ALPK2: variants seen among roughly 807,000 people sequenced by gnomAD.
ALPK2 encodes alpha kinase 2.
A neutral mutation model predicts 163.1 loss-of-function variants in ALPK2; 127 were observed. The observed-to-expected ratio is 0.78, with a 90% CI of 0.67 to 0.90. The LOEUF (loss-of-function observed/expected upper bound fraction) is 0.90. Ranked by LOEUF, ALPK2 falls within the 40% of genes least tolerant of loss-of-function variation. ALPK2 has a pLI of 0.00. For synonymous variants in ALPK2, 953 were observed against 959.1 expected (o/e 0.99, Z 0.12); for missense variants, 2,360 against 2,589.6 (o/e 0.91, Z 1.92).
At chr18:58,504,532 A>G (rs2144113670) in intron 10 of ALPK2, among the ~76,000 whole-genome samples, 1 of 152,130 alleles carries the variant, frequency 6.6e-6, no homozygotes. Context: ...CCTTTCATCC[A>G]TCCATCCATT....
intron 4 of ALPK2, among the ~76,000 whole-genome samples, chr18:58,570,793 T>A (rs975207930): frequency 6.6e-6 from 1 of 152,228 alleles, no homozygotes; most frequent in African/African-American, 2.4e-5. Context: ...TCCTATTGAT[T>A]AACTAAATGC....
chr18:58,578,290 G>A (rs1341817660), intron 4 of ALPK2: 1 of 152,266 alleles, frequency 6.6e-6, no homozygotes, highest in Non-Finnish European at 1.5e-5. Flanking sequence ...CAAAAAAAGT[G>A]AAGTCTACAA....
At chr18:58,533,599 C>T (rs1401277295) in intron 5 of ALPK2, among the ~76,000 whole-genome samples, 2 of 151,802 alleles carry the variant, frequency 1.3e-5, no homozygotes, top group Admixed American at 6.6e-5. Context: ...GGACTACAGA[C>T]GTGCGCCACC....
chr18:58,559,313 C>T (rs574050935), intron 4 of ALPK2, among the ~76,000 whole-genome samples: 5 of 152,054 alleles, frequency 3.3e-5, no homozygotes, highest in African/African-American at 4.8e-5. Context: ...GGCAGCTGCC[C>T]GGAACAAAGA....
At chr18:58,596,939 G>A (rs2052044200) in intron 3 of ALPK2, among the ~76,000 whole-genome samples, 1 of 152,026 alleles carries the variant, frequency 6.6e-6, no homozygotes. Flanking sequence ...TCCTACCTCA[G>A]CCTCCCAAGA....
intron 3 of ALPK2, among the ~76,000 whole-genome samples, chr18:58,602,634 AC>A (rs774884504): frequency 6.6e-6 from 1 of 151,838 alleles, no homozygotes; most frequent in Non-Finnish European, 1.5e-5. Context: ...ATTAGGACCC[AC>A]CCTGTCAGAG....
chr18:58,570,031 G>A (rs1602222959), intron 4 of ALPK2, among the ~76,000 whole-genome samples: 2 of 152,026 alleles, frequency 1.3e-5, no homozygotes, highest in Admixed American at 6.5e-5. Context: ...TCGGAAGGCC[G>A]AGGCAGGAGA....
chr18:58,502,213 A>G (rs935873316), intron 11 of ALPK2, among the ~76,000 whole-genome samples: 2 of 151,398 alleles, frequency 1.3e-5, no homozygotes, highest in African/African-American at 4.9e-5. Flanking sequence ...AAATTAGCCA[A>G]GTGTGATGGC....
At chr18:58,607,282 A>G (rs6566986) in intron 3 of ALPK2, 40 bp downstream of exon 3, 1,136,221 of 1,380,522 alleles carry the variant, frequency 0.82, 471,014 homozygotes, top group East Asian at 1. Context: ...ACAGAATATA[A>G]GGATATTAGT....
At chr18:58,562,920 A>G (rs1439232428) in intron 4 of ALPK2, among the ~76,000 whole-genome samples, 1 of 152,170 alleles carries the variant, frequency 6.6e-6, no homozygotes, top group African/African-American at 2.4e-5. Context: ...CCCCAGCCTC[A>G]TGACCTCATC....
intron 10 of ALPK2, among the ~76,000 whole-genome samples, chr18:58,509,112 A>T (rs62094715): frequency 7.0e-6 from 1 of 142,150 alleles, no homozygotes; most frequent in Non-Finnish European, 1.5e-5. Context: ...TCAATTCCCA[A>T]CTATGAATGA....
Position 58,537,065 on chromosome 18 carries a change from G to A in ALPK2, c.3122C>T (p.Pro1041Leu). The A allele has an allele frequency of 6.2e-7, 1 of 1,614,190 alleles. No individual in the cohort carries two copies. Among genetic ancestry groups the A allele is most frequent in the East Asian group, 2.2e-5 (1 of 44,876 alleles). ...KHAGGTEERFPRASHEKVSQF... is the reference protein window; with the variant it reads ...KHAGGTEERFLRASHEKVSQF... The stretch of plus-strand genomic sequence containing the variant: ...GGAAACCTTTTCATGGGATGCACGA[G>A]GGAACCTCTCCTCAGTGCCACCTGC... The change falls in exon 5 of 13, where the codon CCT becomes CTT. Residue 1041 changes from proline to leucine, a missense_variant. Pro to Leu is a moderately conservative substitution (Grantham distance 98). Coordinates refer to ENST00000361673, the MANE Select transcript of ALPK2 (RefSeq NM_052947.4).
chr18:58,580,591 C>A, intron 3 of ALPK2, 43 bp from the exon 4 acceptor site: 1 of 1,498,834 alleles, frequency 6.7e-7, no homozygotes, highest in South Asian at 1.2e-5. Context: ...CACATTTGGA[C>A]ATGCATGCCA....
intron 1 of ALPK2, among the ~76,000 whole-genome samples, chr18:58,628,491 T>A (rs986306965): frequency 5.3e-5 from 8 of 152,198 alleles, no homozygotes; most frequent in African/African-American, 1.9e-4. Flanking sequence ...AAAGAAACTG[T>A]TTTCATTCAT....
intron 5 of ALPK2, among the ~76,000 whole-genome samples, chr18:58,531,935 CAAAA>C (rs35957271): frequency 1.8e-3 from 90 of 49,606 alleles, no homozygotes; most frequent in African/African-American, 7.5e-3. Context: ...GGCTCCGTCT[CAAAA>C]AAAAAAAAAA....
chr18:58,494,978 G>C lies in ALPK2; in HGVS notation c.6296+3071C>G, dbSNP rs899317103. 2.0e-5 allele frequency among the ~76,000 whole-genome samples: 3 copies of C among 152,090 alleles called. No homozygotes were observed. In the East Asian group the frequency reaches 5.8e-4, roughly 29 times the overall value. On this transcript the variant is annotated intron_variant, in intron 12 of 12. Coordinates refer to ENST00000361673, the MANE Select transcript of ALPK2 (RefSeq NM_052947.4). Reference sequence around the variant, plus strand: ...GCATTGAGGATCTGCCGTTCACTTTGGGGTGCTGACTTCAAGCAGGAAAGA... The same window carrying C: ...GCATTGAGGATCTGCCGTTCACTTTCGGGTGCTGACTTCAAGCAGGAAAGA...
intron 12 of ALPK2, among the ~76,000 whole-genome samples, chr18:58,490,356 G>C (rs1238959287): frequency 1.3e-5 from 2 of 152,176 alleles, no homozygotes; most frequent in African/African-American, 4.8e-5. Flanking sequence ...CCCTCCCTGG[G>C]CCAGTCAGGG....
chr18:58,546,633 T>C (rs1169067707), intron 4 of ALPK2, among the ~76,000 whole-genome samples: 5 of 152,180 alleles, frequency 3.3e-5, no homozygotes, highest in Admixed American at 3.3e-4. Flanking sequence ...CTTGAGGATT[T>C]TGGGTTGTAC....
In ALPK2 at chr18:58,579,083, A is replaced by G; in HGVS notation, c.1693T>C (p.Cys565Arg). The change falls in exon 4 of 13, where the codon TGC (cysteine) becomes CGC (arginine). Residue 565 changes from cysteine (C) to arginine (R), a missense_variant. Transcript: ENST00000361673. The part of the protein sequence containing the change: ...ESTTEGTLHL[C>R]SAKESAEPPL... ...GGCTCAGCAGATTCTTTGGCAGAGCAGAGATGAAGGGTACCTTCTGTTGTA... is the reference window on the plus strand; with the variant it reads ...GGCTCAGCAGATTCTTTGGCAGAGCGGAGATGAAGGGTACCTTCTGTTGTA... 1 of 1,614,236 alleles carries G rather than the reference A, an allele frequency of 6.2e-7. No individual in the cohort carries two copies. Among genetic ancestry groups the G allele is most frequent in the Middle Eastern group, 1.6e-4 (1 of 6,062 alleles).
Sources: allele counts gnomAD v4.1 joint callset (sites outside exome capture counted in the v4.1 genomes callset), GRCh38; gene constraint gnomAD v4.1.1; transcripts MANE v1.5; gene names NCBI Gene and HGNC (gene_info 2026-07-23, HGNC 2026-07-21).